NCAPD3: variants seen among roughly 807,000 people sequenced by gnomAD.
NCAPD3 encodes condensin-2 complex subunit D3.
NCAPD3 carries 105 observed loss-of-function variants against 182.9 expected under a neutral mutation model. The ratio of observed to expected loss-of-function variants is 0.57; its 90% CI spans 0.49 to 0.68. NCAPD3 has a LOEUF of 0.68. Ranked by LOEUF, NCAPD3 falls within the 30% of genes least tolerant of loss-of-function variation. The pLI is 0.00. For missense variants in NCAPD3, 1,944 were observed against 1,837.0 expected (o/e 1.06, Z -1.07); for synonymous variants, 815 against 679.9 (o/e 1.20, Z -3.09).
intron 13 of NCAPD3, among the ~76,000 whole-genome samples, chr11:134,196,118 A>G (rs1944622763): frequency 6.6e-6 from 1 of 152,134 alleles, no homozygotes. Flanking sequence ...GAAGAAAATA[A>G]GAAAGAAAAT....
At chr11:134,158,188 C>A (rs1943479279) in intron 30 of NCAPD3, 121 bp from the exon 31 acceptor site, 4 of 1,517,506 alleles carry the variant, frequency 2.6e-6, no homozygotes, top group East Asian at 2.3e-5. Flanking sequence ...TCATTCAAAC[C>A]TCCCAGGGCA....
intron 34 of NCAPD3, 36 bp downstream of exon 34, chr11:134,153,104 A>C (rs777689438): frequency 5.0e-6 from 8 of 1,612,618 alleles, no homozygotes; most frequent in Non-Finnish European, 6.8e-6. Context: ...ACCCTGACAG[A>C]AACATCCACC....
chr11:134,219,891 G>T (rs988575242), intron 2 of NCAPD3, among the ~76,000 whole-genome samples: 7 of 151,998 alleles, frequency 4.6e-5, no homozygotes, highest in African/African-American at 1.7e-4. Flanking sequence ...CCGCCTCCTG[G>T]GTTCAAGCAA....
At chr11:134,171,915 C>G (rs1267780662) in intron 24 of NCAPD3, among the ~76,000 whole-genome samples, 3 of 152,218 alleles carry the variant, frequency 2.0e-5, no homozygotes, top group Non-Finnish European at 2.9e-5. Context: ...ACCCCCAGTG[C>G]CTTCCTGCCT....
chr11:134,157,970 A>G lies in NCAPD3; in HGVS notation c.4132T>C (p.Phe1378Leu), dbSNP rs1422165514. 1 of 1,614,154 alleles carries G rather than the reference A, an allele frequency of 6.2e-7. No individual in the cohort carries two copies. Among genetic ancestry groups the G allele is most frequent in the Admixed American group, 1.7e-5 (1 of 60,022 alleles). The change falls in exon 31 of 35, where the codon TTC (phenylalanine) becomes CTC (leucine). Residue 1378 changes from phenylalanine to leucine, a missense_variant. Around this residue, in one of 3 missense-constraint regions of NCAPD3, gnomAD observed 1,803 missense variants for 1,674.6 expected, o/e 1.08. Transcript: ENST00000534548. ...TCTGGGCTTCCAGAATTTAAAGTGA[A>G]AGGCAGCACTCCTAAGCTCCGACTC... ...HRSRSLGVLP[F>L]TLNSGSPEKT...
intron 22 of NCAPD3, 196 bp downstream of exon 22, chr11:134,178,438 C>A: frequency 2.4e-6 from 1 of 416,516 alleles, no homozygotes; most frequent in East Asian, 3.4e-5. Context: ...GACTTATCAG[C>A]CTGAGGGCTC....
At chr11:134,205,882 CAT>C (rs1473720146) in intron 8 of NCAPD3, among the ~76,000 whole-genome samples, 2 of 152,210 alleles carry the variant, frequency 1.3e-5, no homozygotes, top group African/African-American at 4.8e-5. Context: ...AAGATGACGT[CAT>C]ACACACCCCA....
chr11:134,168,746 C>G, intron 25 of NCAPD3, 144 bp from the exon 26 acceptor site: 1 of 1,370,584 alleles, frequency 7.3e-7, no homozygotes, highest in South Asian at 1.4e-5. Flanking sequence ...CAGGCGCTGC[C>G]CTTAGGAAGC....
rs567935012 is a variant in NCAPD3, at chr11:134,198,954, TA to T, written c.1615+3861del. ...GATACAAATTAAAGACCGAAAGAAA[TA>T]AAAAGACATCTGGTGTTCATGGATT... On this transcript the variant is annotated intron_variant, in intron 13 of 34. Transcript: ENST00000534548. 2.7e-4 allele frequency among the ~76,000 whole-genome samples: 41 copies of T among 152,070 alleles called. No individual in the cohort carries two copies. In the South Asian group the frequency reaches 3.5e-3, roughly 13 times the overall value.
At chr11:134,223,277 T>C (rs1048047954) in intron 1 of NCAPD3, 29 of 607,412 alleles carry the variant, frequency 4.8e-5, no homozygotes, top group Admixed American at 2.9e-4. Flanking sequence ...CTCGAGGCTA[T>C]GATGAAGGCA....
At chr11:134,158,902 T>C (rs926811003) in intron 29 of NCAPD3, among the ~76,000 whole-genome samples, 3 of 152,220 alleles carry the variant, frequency 2.0e-5, no homozygotes, top group Admixed American at 1.3e-4. Flanking sequence ...TTGGCTCACA[T>C]ATATGAATGA....
chr11:134,205,667 G>A (rs1221553672), intron 8 of NCAPD3, among the ~76,000 whole-genome samples: 4 of 152,080 alleles, frequency 2.6e-5, no homozygotes, highest in African/African-American at 7.2e-5. Flanking sequence ...ATGTGCCACC[G>A]CGCCCCGCCT....
chr11:134,220,778 C>A, intron 1 of NCAPD3, 52 bp from the exon 2 acceptor site: 3 of 1,546,102 alleles, frequency 1.9e-6, no homozygotes, highest in East Asian at 2.3e-5. Flanking sequence ...AGTAAAAAAA[C>A]TAGTCACCTT....
chr11:134,157,905 C>T, intron 31 of NCAPD3, 23 bp downstream of exon 31: 1 of 1,605,430 alleles, frequency 6.2e-7, no homozygotes, highest in Non-Finnish European at 8.5e-7. Flanking sequence ...TCTACTGTGT[C>T]TGGCACCAAA....
At chr11:134,159,834 C>T in intron 29 of NCAPD3, 58 bp downstream of exon 29, 2 of 1,533,700 alleles carry the variant, frequency 1.3e-6, no homozygotes, top group Non-Finnish European at 1.8e-6. Context: ...AAACGACAGA[C>T]TGGTAGCAGA....
rs1943291756 is a variant in NCAPD3 at position 134,152,810 on chromosome 11, G to C, written c.*134C>G. On this transcript the variant is annotated 3_prime_UTR_variant, in exon 35 of 35. Coordinates refer to ENST00000534548, the MANE Select transcript of NCAPD3 (RefSeq NM_015261.3). The stretch of plus-strand genomic sequence containing the variant: ...TAGAAGGTGAGTGCCAGGCCCCTGA[G>C]GAGGAGCTCTCGTGTTCCACAGCAA... The C allele has an allele frequency of 2.9e-6, 2 of 679,388 alleles. No homozygotes were observed. The allele number at this position is 679,388 out of a possible 1,614,324, so 42.1% of individuals were successfully genotyped here.
At chr11:134,188,938 C>T (rs1271411029) in intron 16 of NCAPD3, among the ~76,000 whole-genome samples, 1 of 152,178 alleles carries the variant, frequency 6.6e-6, no homozygotes, top group African/African-American at 2.4e-5. Context: ...GAGAAACCCA[C>T]TCTCCTGGCA....
At chr11:134,184,840 C>T in intron 18 of NCAPD3, 63 bp downstream of exon 18, 1 of 1,410,308 alleles carries the variant, frequency 7.1e-7, no homozygotes, top group Non-Finnish European at 1.0e-6. Flanking sequence ...CACACACACA[C>T]ACACACACAC....
chr11:134,206,136 C>T (rs993175134), intron 8 of NCAPD3, among the ~76,000 whole-genome samples: 1 of 152,206 alleles, frequency 6.6e-6, no homozygotes. Context: ...AGGTAAAAAG[C>T]AACTCAATCC....
Sources: allele counts gnomAD v4.1 joint callset (sites outside exome capture counted in the v4.1 genomes callset), GRCh38; gene constraint gnomAD v4.1.1; regional missense constraint gnomAD v4.1.1; transcripts MANE v1.5; gene names NCBI Gene and HGNC (gene_info 2026-07-23, HGNC 2026-07-21).